CACNA2D4: variants seen among roughly 807,000 people sequenced by gnomAD.
CACNA2D4 encodes voltage-dependent calcium channel subunit alpha-2/delta-4.
Under a neutral mutation model 163.8 loss-of-function variants are expected in CACNA2D4, and 157 were observed. The ratio of observed to expected loss-of-function variants is 0.96; its 90% CI spans 0.84 to 1.09. The LOEUF is 1.09. Among genes scored for constraint, CACNA2D4 ranks in the 50% least tolerant of loss-of-function variants. The probability of loss-of-function intolerance (pLI) is 0.00; values close to 1 mark genes in which losing one functional copy is unlikely to be tolerated. For missense variants in CACNA2D4, 1,410 were observed against 1,479.9 expected (o/e 0.95, Z 0.78); for synonymous variants, 598 against 586.9 (o/e 1.02, Z -0.27).
rs1865953552 is a variant in CACNA2D4 at position 1,879,748 on chromosome 12, C to T, written c.1563+56G>A. On this transcript the variant is annotated intron_variant, in intron 14 of 37. Transcript: ENST00000382722. ...TCAAGAATCACTGGTCTAAAGATGG[C>T]ACTGAAGCCCCAGGTTCTAATCCCT... The T allele has an allele frequency of 4.4e-6, 6 of 1,367,054 alleles. No homozygotes were observed. In the East Asian group the frequency reaches 1.5e-4, roughly 34 times the overall value. The allele number at this position is 1,367,054 out of a possible 1,614,324, so 84.7% of individuals were successfully genotyped here. A position where few individuals can be genotyped will look rare whatever the true frequency, so the allele number is the denominator to read the frequency against.
chr12:1,876,079 A>C (rs1390506948), intron 16 of CACNA2D4, among the ~76,000 whole-genome samples: 1 of 152,112 alleles, frequency 6.6e-6, no homozygotes, highest in Non-Finnish European at 1.5e-5. Flanking sequence ...CCTCTTCACA[A>C]TCGTAAGCTT....
Position 1,885,972 on chromosome 12 carries a change from T to C in CACNA2D4, c.1061A>G (p.Asn354Ser). 2 of 1,612,084 alleles carry C rather than the reference T, an allele frequency of 1.2e-6. No individual in the cohort carries two copies. The highest frequency in any genetic ancestry group is 2.2e-5 in the South Asian group (2 of 90,808). The change falls in exon 9 of 38, where the codon AAT becomes AGT. Residue 354 changes from asparagine (N) to serine (S), a missense_variant. Physicochemically the swap from Asn to Ser is conservative, Grantham distance 46. Transcript: ENST00000382722. ...KGILVQADRD[N>S]REHFKLLVEE... ...GCCACCGTGGACACTCACCTCTCGA[T>C]TGTCTCGGTCCGCCTGGACGAGGAT...
At chr12:1,865,465 C>T (rs190734824) in intron 18 of CACNA2D4, among the ~76,000 whole-genome samples, 2 of 152,192 alleles carry the variant, frequency 1.3e-5, no homozygotes, top group Non-Finnish European at 2.9e-5. Flanking sequence ...TGCCTGGGGT[C>T]GGAAGTGTTC....
chr12:1,864,590 C>T (rs1379061876), intron 18 of CACNA2D4, among the ~76,000 whole-genome samples: 1 of 152,220 alleles, frequency 6.6e-6, no homozygotes, highest in Admixed American at 6.5e-5. Context: ...GGTGACTCCT[C>T]TTCCTGCCGA....
chr12:1,849,204 T>C (rs971744174), intron 23 of CACNA2D4, among the ~76,000 whole-genome samples: 54 of 152,350 alleles, frequency 3.5e-4, no homozygotes, highest in African/African-American at 1.3e-3. Context: ...AGCTAGGATA[T>C]CCTTTTAATT....
chr12:1,792,325 G>GT lies in CACNA2D4; in HGVS notation c.*1329dup, dbSNP rs1862999586. On this transcript the variant is annotated 3_prime_UTR_variant, in exon 38 of 38. Coordinates refer to ENST00000382722, the MANE Select transcript of CACNA2D4 (RefSeq NM_172364.5). The stretch of plus-strand genomic sequence containing the variant: ...AGAGTGACATTCTGTAACCGATAAT[G>GT]TAAGTGTGTTTTACAGAGTTGGCAT... 1 of 152,262 alleles carries GT rather than the reference G, an allele frequency of 6.6e-6. No individual in the cohort carries two copies. Among genetic ancestry groups the GT allele is most frequent in the African/African-American group, 2.4e-5 (1 of 41,464 alleles). The allele number at this position is 152,262 out of a possible 1,614,324, so 9.4% of individuals were successfully genotyped here.
chr12:1,831,359 G>T (rs1188453115), intron 26 of CACNA2D4: 2 of 1,613,934 alleles, frequency 1.2e-6, no homozygotes, highest in Non-Finnish European at 1.7e-6. Flanking sequence ...ACGGGCTCCT[G>T]GCTCTGCGCT....
intron 4 of CACNA2D4, 41 bp from the exon 5 acceptor site, chr12:1,908,078 C>G: frequency 6.3e-7 from 1 of 1,576,952 alleles, no homozygotes; most frequent in Non-Finnish European, 8.7e-7. Flanking sequence ...GGCCCGAGCA[C>G]CGGGACAGGC....
At position 1,875,844 on chromosome 12, in the gene CACNA2D4, A is replaced by G. The variant is rs573543444; in HGVS notation, c.1720-507T>C. ...TCTGAATATGTTGTACTTTGTCTTCAATGTCACTCTCAAAATGGAGTTCCC... is the reference window on the plus strand; with the variant it reads ...TCTGAATATGTTGTACTTTGTCTTCGATGTCACTCTCAAAATGGAGTTCCC... On this transcript the variant is annotated intron_variant, in intron 16 of 37. Transcript: ENST00000382722. The surrounding 1 kb of genome is among the most constrained non-coding windows in gnomAD (Gnocchi z 4.0). 6.6e-6 allele frequency among the ~76,000 whole-genome samples: 1 copy of G among 152,328 alleles called. No homozygotes were observed. The highest frequency in any genetic ancestry group is 2.1e-4 in the South Asian group (1 of 4,824).
At chr12:1,795,584 C>T in intron 36 of CACNA2D4, 84 bp downstream of exon 36, 3 of 1,033,788 alleles carry the variant, frequency 2.9e-6, no homozygotes, top group Non-Finnish European at 1.5e-6. Context: ...AGGAGGCTGG[C>T]CCCGCTGCTC....
At chr12:1,886,424 A>G in intron 7 of CACNA2D4, 51 bp from the exon 8 acceptor site, 1 of 1,561,616 alleles carries the variant, frequency 6.4e-7, no homozygotes, top group South Asian at 1.1e-5. Flanking sequence ...AGCCGGAACC[A>G]ATACCTGACC....
chr12:1,874,085 A>T lies in CACNA2D4; in HGVS notation c.1878+519T>A, dbSNP rs1159880083. Among the ~76,000 whole-genome samples the T allele has an allele frequency of 6.6e-6, 1 of 152,238 alleles. No homozygotes were observed. Among genetic ancestry groups the T allele is most frequent in the East Asian group, 1.9e-4 (1 of 5,194 alleles). On this transcript the variant is annotated intron_variant, in intron 18 of 37. Transcript: ENST00000382722. The surrounding 1 kb of genome is among the most constrained non-coding windows in gnomAD (Gnocchi z 4.4). The stretch of plus-strand genomic sequence containing the variant: ...ACATTGGAACCTTTTAAGTGAGAAG[A>T]TGAAATGATCTTTTATAAACGATGC...
chr12:1,795,078 T>C, intron 37 of CACNA2D4: 1 of 578,222 alleles, frequency 1.7e-6, no homozygotes, highest in Non-Finnish European at 3.1e-6. Context: ...AACAAGCGTT[T>C]TAGGAGCTTG....
chr12:1,871,758 T>C (rs746994867), intron 18 of CACNA2D4, among the ~76,000 whole-genome samples: 1 of 152,176 alleles, frequency 6.6e-6, no homozygotes, highest in Non-Finnish European at 1.5e-5. Flanking sequence ...CTGGTATATG[T>C]ACATGTGTGC....
At chr12:1,837,418 G>A (rs1864905292) in intron 26 of CACNA2D4, among the ~76,000 whole-genome samples, 2 of 152,260 alleles carry the variant, frequency 1.3e-5, no homozygotes, top group South Asian at 4.1e-4. Context: ...ATTACGGACT[G>A]GAGGGCTGGG....
Position 1,828,066 on chromosome 12 carries a change from C to A in CACNA2D4, c.2551+12673G>T. 3 of 1,334,724 alleles carry A rather than the reference C, an allele frequency of 2.2e-6. No individual in the cohort carries two copies. Among genetic ancestry groups the A allele is most frequent in the Non-Finnish European group, 3.0e-6 (3 of 1,008,270 alleles). The allele number at this position is 1,334,724 out of a possible 1,614,324, so 82.7% of individuals were successfully genotyped here. On this transcript the variant is annotated intron_variant, in intron 26 of 37. Coordinates refer to ENST00000382722, the MANE Select transcript of CACNA2D4 (RefSeq NM_172364.5). The surrounding 1 kb of genome is among the most constrained non-coding windows in gnomAD (Gnocchi z 4.2). Reference sequence around the variant, plus strand: ...CGCCTGCCTGTGCTCAGTGCTCCTCCCTCCCTCAGGACTGACAGGCGGCGC... The same window carrying A: ...CGCCTGCCTGTGCTCAGTGCTCCTCACTCCCTCAGGACTGACAGGCGGCGC...
At chr12:1,861,302 C>T (rs140248967) in intron 18 of CACNA2D4, among the ~76,000 whole-genome samples, 1 of 152,176 alleles carries the variant, frequency 6.6e-6, no homozygotes. Context: ...GCTCCTCTGC[C>T]CAGTCAGACC....
chr12:1,844,584 T>G lies in CACNA2D4; in HGVS notation c.2343-55A>C. ...CCAGATCTGTGAACACAGTCATCAC[T>G]CTTTCCTTTTCTCACACAAGGTCAA... is the stretch of plus-strand genomic sequence containing the variant. On this transcript the variant is annotated intron_variant, in intron 24 of 37. Transcript: ENST00000382722. This position sits in a 1 kb window ranked among gnomAD's most constrained non-coding sequence, Gnocchi z 4.2. The G allele has an allele frequency of 6.4e-7, 1 of 1,565,938 alleles. No homozygotes were observed. The highest frequency in any genetic ancestry group is 8.7e-7 in the Non-Finnish European group (1 of 1,148,184).
Position 1,867,783 on chromosome 12 carries a change from A to T in CACNA2D4, c.1878+6821T>A, listed in dbSNP as rs7304101. 3.1e-3 allele frequency among the ~76,000 whole-genome samples: 475 copies of T among 152,226 alleles called. 2 individuals are homozygous for T. The highest frequency in any genetic ancestry group is 0.01 in the African/African-American group (433 of 41,506). On this transcript the variant is annotated intron_variant, in intron 18 of 37. Coordinates refer to ENST00000382722, the MANE Select transcript of CACNA2D4 (RefSeq NM_172364.5). ...AAAAAACAACACCACCACCCCACAC[A>T]TCCAAATAATCTGATTTAAATATGG...
Sources: allele counts gnomAD v4.1 joint callset (sites outside exome capture counted in the v4.1 genomes callset), GRCh38; gene constraint gnomAD v4.1.1; non-coding constraint Gnocchi (gnomAD v3.1); transcripts MANE v1.5; gene names NCBI Gene and HGNC (gene_info 2026-07-23, HGNC 2026-07-21).